CALN1: variants seen among roughly 807,000 people sequenced by gnomAD.
CALN1 encodes the protein calneuron 1, also known as calcium-binding protein 8.
In CALN1, 17 loss-of-function variants were observed where a neutral mutation model predicts 30.6. The observed-to-expected ratio is 0.56, with a 90% CI of 0.38 to 0.83. CALN1 has a LOEUF of 0.83. Ranked by LOEUF, CALN1 falls within the 40% of genes least tolerant of loss-of-function variation. The pLI is 0.00. For missense variants in CALN1, 291 were observed against 354.9 expected (o/e 0.82, Z 1.45); for synonymous variants, 156 against 131.4 (o/e 1.19, Z -1.28).
intron 4 of CALN1, among the ~76,000 whole-genome samples, chr7:72,100,051 A>C (rs565256087): frequency 6.6e-6 from 1 of 152,348 alleles, no homozygotes; most frequent in Non-Finnish European, 1.5e-5. Flanking sequence ...GAGGATTTGC[A>C]ATAATCTAAA....
intron 2 of CALN1, among the ~76,000 whole-genome samples, chr7:72,290,381 A>C (rs1485732254): frequency 6.6e-6 from 1 of 152,182 alleles, no homozygotes; most frequent in Non-Finnish European, 1.5e-5. Flanking sequence ...CCCAGATCAC[A>C]GCTCTAGGGG....
chr7:72,490,563 T>C, the CALN1 span, among the ~76,000 whole-genome samples: 21 of 152,268 alleles, frequency 1.4e-4, no homozygotes, highest in South Asian at 3.7e-3. Flanking sequence ...TCATGTTGAA[T>C]TGTGGTCTTC....
At chr7:72,310,478 G>GGCTTCTGT (rs1226393005) in intron 2 of CALN1, among the ~76,000 whole-genome samples, 4 of 151,398 alleles carry the variant, frequency 2.6e-5, no homozygotes, top group Non-Finnish European at 5.9e-5. Flanking sequence ...AAGGAATCTT[G>GGCTTCTGT]GCTTCTGTGG....
chr7:72,399,071 C>T (rs1806166868), intron 2 of CALN1, among the ~76,000 whole-genome samples: 1 of 152,054 alleles, frequency 6.6e-6, no homozygotes, highest in Non-Finnish European at 1.5e-5. Context: ...AGAAGGAGGT[C>T]ACCATCTACA....
chr7:72,407,195 G>C (rs1452471833), intron 1 of CALN1, among the ~76,000 whole-genome samples: 1 of 152,184 alleles, frequency 6.6e-6, no homozygotes, highest in Admixed American at 6.5e-5. Flanking sequence ...GCCACTTAGG[G>C]GCTGTGTGAC....
chr7:72,014,872 AG>A (rs1282617411), intron 5 of CALN1, among the ~76,000 whole-genome samples: 1 of 151,972 alleles, frequency 6.6e-6, no homozygotes, highest in Non-Finnish European at 1.5e-5. Context: ...TTTGTTACCC[AG>A]GCTGGTCTCA....
chr7:72,457,004 C>CTTTTTTTTTTTTTTTTTTTTTT, the CALN1 span, among the ~76,000 whole-genome samples: 2 of 106,604 alleles, frequency 1.9e-5, no homozygotes, highest in African/African-American at 3.7e-5. Context: ...TTCTTTCTTT[C>CTTTTTTTTTTTTTTTTTTTTTT]TTTTTTTTTT....
chr7:72,391,724 TG>T (rs1243337341), intron 2 of CALN1, among the ~76,000 whole-genome samples: 1 of 152,158 alleles, frequency 6.6e-6, no homozygotes, highest in Non-Finnish European at 1.5e-5. Flanking sequence ...TTTTTGTTTT[TG>T]TTTTTGTTTT....
chr7:71,951,555 C>A (rs36056205), intron 5 of CALN1, among the ~76,000 whole-genome samples: 4,189 of 152,304 alleles, frequency 0.028, 119 homozygotes, highest in Admixed American at 0.088. Flanking sequence ...CATGCCACTG[C>A]ATTCCAGCCT....
At position 71,987,627 on chromosome 7, in the gene CALN1, G is replaced by A. The variant is rs111320454; in HGVS notation, c.501+36030C>T. Reference sequence around the variant, plus strand: ...ACGCAACCCCCATGAGAGGGGACTGGGCTTAGGAGGCAGATCATGAAGGGT... The same window carrying A: ...ACGCAACCCCCATGAGAGGGGACTGAGCTTAGGAGGCAGATCATGAAGGGT... On this transcript the variant is annotated intron_variant, in intron 5 of 6. Coordinates refer to ENST00000395275, the MANE Select transcript of CALN1 (RefSeq NM_031468.4). Among the ~76,000 whole-genome samples, 492 of 152,298 alleles carry A rather than the reference G, an allele frequency of 3.2e-3. 4 individuals are homozygous for A. The highest frequency in any genetic ancestry group is 0.011 in the African/African-American group (472 of 41,556).
chr7:71,949,705 A>T (rs1423658470), intron 5 of CALN1, among the ~76,000 whole-genome samples: 2 of 151,736 alleles, frequency 1.3e-5, no homozygotes, highest in African/African-American at 2.4e-5. Context: ...ACCCCAAAAA[A>T]TTCTGTAACA....
At chr7:72,204,903 T>C (rs930630900) in intron 3 of CALN1, among the ~76,000 whole-genome samples, 1 of 152,224 alleles carries the variant, frequency 6.6e-6, no homozygotes, top group Non-Finnish European at 1.5e-5. Flanking sequence ...GTTTTTAAAC[T>C]GCTGTACACA....
intron 3 of CALN1, among the ~76,000 whole-genome samples, chr7:72,252,143 C>T (rs895917899): frequency 1.3e-5 from 2 of 152,096 alleles, no homozygotes; most frequent in Admixed American, 6.5e-5. Flanking sequence ...CAATACTGAG[C>T]TCCTGGACTT....
intron 4 of CALN1, among the ~76,000 whole-genome samples, chr7:72,036,155 T>C (rs1447408114): frequency 1.3e-5 from 2 of 152,236 alleles, no homozygotes; most frequent in Non-Finnish European, 2.9e-5. Flanking sequence ...TTTTATCATT[T>C]TGAACATATC....
At chr7:71,889,251 C>A (rs1288695797) in intron 5 of CALN1, among the ~76,000 whole-genome samples, 1 of 152,212 alleles carries the variant, frequency 6.6e-6, no homozygotes, top group Non-Finnish European at 1.5e-5. Flanking sequence ...TGACCTGGTT[C>A]CTAGATGGCA....
At chr7:72,490,595 T>C in the CALN1 span, among the ~76,000 whole-genome samples, 8 of 152,156 alleles carry the variant, frequency 5.3e-5, no homozygotes, top group African/African-American at 1.7e-4. Flanking sequence ...AGGCGCCTGG[T>C]GGGAGGTGAC....
intron 2 of CALN1, chr7:72,336,803 G>T: frequency 1.0e-6 from 1 of 985,038 alleles, no homozygotes; most frequent in Non-Finnish European, 1.2e-6. Flanking sequence ...GGTGCGGAAT[G>T]GATGCGCCGA....
At chr7:72,027,726 A>AC (rs1801157723) in intron 4 of CALN1, among the ~76,000 whole-genome samples, 9 of 143,320 alleles carry the variant, frequency 6.3e-5, no homozygotes, top group Middle Eastern at 3.8e-3. Context: ...CAAACAAACA[A>AC]ACACACACAC....
At chr7:72,451,178 GC>G (rs1469354118), upstream of CALN1, among the ~76,000 whole-genome samples, 9 of 144,632 alleles carry the variant, frequency 6.2e-5, no homozygotes, top group East Asian at 1.9e-3. Context: ...AGGAGGAGGA[GC>G]AGGAGGAGGA....
Sources: allele counts gnomAD v4.1 joint callset (sites outside exome capture counted in the v4.1 genomes callset), GRCh38; gene constraint gnomAD v4.1.1; transcripts MANE v1.5; gene names NCBI Gene and HGNC (gene_info 2026-07-23, HGNC 2026-07-21).